Variants in SLC68A1 observed in about 807,000 individuals in gnomAD.
SLC68A1 encodes the protein solute carrier family 68 member 1, also known as major facilitator superfamily domain containing 13A.
the SLC68A1 span, chr10:102,472,863 T>C: frequency 1.9e-6 from 3 of 1,614,126 alleles, no homozygotes; most frequent in East Asian, 4.5e-5. Flanking sequence ...GGTCTTCCAC[T>C]GCCACTTCAA....
chr10:102,470,834 G>A, the SLC68A1 span: 76 of 1,613,434 alleles, frequency 4.7e-5, no homozygotes, highest in African/African-American at 3.9e-4. Flanking sequence ...CCTGACGCTC[G>A]TGGACCTGCA....
At chr10:102,465,426 A>T in the SLC68A1 span, among the ~76,000 whole-genome samples, 1 of 146,068 alleles carries the variant, frequency 6.8e-6, no homozygotes, top group South Asian at 2.1e-4. Flanking sequence ...CTCTATCTTT[A>T]AAAAAAAAAA....
At chr10:102,471,906 G>A in the SLC68A1 span, 4 of 366,680 alleles carry the variant, frequency 1.1e-5, no homozygotes, top group Non-Finnish European at 2.2e-5. Context: ...GTGATCTTAG[G>A]CAGGTCTCAG....
chr10:102,475,942 G>A, the SLC68A1 span: 6 of 1,613,012 alleles, frequency 3.7e-6, no homozygotes, highest in Non-Finnish European at 5.1e-6. Context: ...CCCAGCGCCA[G>A]AACCTGTCAC....
the SLC68A1 span, among the ~76,000 whole-genome samples, chr10:102,465,002 C>A: frequency 2.5e-4 from 38 of 152,066 alleles, 1 homozygote; most frequent in East Asian, 7.2e-3. Flanking sequence ...TGGCTGCAAT[C>A]CCAGTACTTT....
chr10:102,470,073 C>T, the SLC68A1 span: 1 of 1,613,914 alleles, frequency 6.2e-7, no homozygotes, highest in South Asian at 1.1e-5. Flanking sequence ...GCTCCCAGCC[C>T]CGGTTGGTGT....
the SLC68A1 span, chr10:102,469,039 G>A: frequency 6.2e-7 from 1 of 1,612,740 alleles, no homozygotes; most frequent in Non-Finnish European, 8.5e-7. Context: ...CATGGGGCTG[G>A]GTCAGCCCCA....
chr10:102,467,687 G>A, the SLC68A1 span, among the ~76,000 whole-genome samples: 1 of 151,824 alleles, frequency 6.6e-6, no homozygotes, highest in Admixed American at 6.6e-5. Flanking sequence ...ACTGAGTTTC[G>A]CTCTTGGTGC....
At chr10:102,468,441 G>A in the SLC68A1 span, 1 of 152,598 alleles carries the variant, frequency 6.6e-6, no homozygotes, top group African/African-American at 2.4e-5. Context: ...GGGAGGCCGA[G>A]GTGGGTGGAT....
chr10:102,472,842 G>T, the SLC68A1 span: 1 of 1,612,018 alleles, frequency 6.2e-7, no homozygotes, highest in Non-Finnish European at 8.5e-7. Flanking sequence ...CACCATCCCT[G>T]TCGGGTTGCA....
the SLC68A1 span, chr10:102,470,909 T>TGCTCCCTCTTCAGCGCGGCCG: frequency 6.2e-7 from 1 of 1,613,364 alleles, no homozygotes; most frequent in East Asian, 2.2e-5. Flanking sequence ...CAACTTCTAC[T>TGCTCCCTCTTCAGCGCGGCCG]GCTCCCTCTT....
the SLC68A1 span, chr10:102,472,277 C>CTT: frequency 2.6e-5 from 7 of 272,268 alleles, no homozygotes; most frequent in East Asian, 3.8e-4. Context: ...GTTTTCTTTT[C>CTT]TTTTTTTTTT....
the SLC68A1 span, chr10:102,473,640 CGCGGTGGT>C: frequency 6.2e-7 from 1 of 1,614,146 alleles, no homozygotes; most frequent in Non-Finnish European, 8.5e-7. Context: ...GGGGCGTCTA[CGCGGTGGT>C]GCGGGGGCTC....
At chr10:102,472,788 T>C in the SLC68A1 span, 1 of 1,218,026 alleles carries the variant, frequency 8.2e-7, no homozygotes, top group Non-Finnish European at 1.2e-6. Context: ...TGTTCCCCTG[T>C]TGGCTTCTGG....
the SLC68A1 span, among the ~76,000 whole-genome samples, chr10:102,475,109 T>A: frequency 6.6e-6 from 1 of 151,790 alleles, no homozygotes; most frequent in African/African-American, 2.4e-5. Context: ...CTGGTCAACA[T>A]ATAGTGAAAC....
chr10:102,476,844 T>C, the SLC68A1 span: 5 of 985,618 alleles, frequency 5.1e-6, no homozygotes, highest in Non-Finnish European at 6.0e-6. Context: ...TGCTCCCTTT[T>C]GCCCAGTCAG....
chr10:102,473,550 C>T, the SLC68A1 span: 1 of 1,574,012 alleles, frequency 6.4e-7, no homozygotes, highest in Non-Finnish European at 8.6e-7. Context: ...GACAAGGTGG[C>T]TCCCCGTCTT....
At chr10:102,465,896 G>GT in the SLC68A1 span, 1 of 152,334 alleles carries the variant, frequency 6.6e-6, no homozygotes, top group Non-Finnish European at 1.5e-5. Flanking sequence ...ACCTGGACAA[G>GT]TTGCAGTTGG....
the SLC68A1 span, chr10:102,470,028 C>T: frequency 0.52 from 831,189 of 1,613,222 alleles, 219,061 homozygotes; most frequent in Middle Eastern, 0.59. Context: ...TCAATGACCC[C>T]CTCTTCGGTT....
Sources: gnomAD v4.1 joint callset for allele counts (sites outside exome capture counted in the v4.1 genomes callset) on GRCh38, gnomAD v4.1.1 for gene constraint, MANE v1.5 for transcripts, NCBI Gene and HGNC (gene_info 2026-07-23, HGNC 2026-07-21) for gene names.